The following DCUN1D4 variants were observed in gnomAD, a reference collection of about 807,000 sequenced individuals.
DCUN1D4 encodes the protein defective in cullin neddylation 1 domain containing 4.
In DCUN1D4, 22 loss-of-function variants were observed where a neutral mutation model predicts 47.9. That is an observed-to-expected ratio of 0.46 (90% CI 0.33 to 0.66). DCUN1D4 has a LOEUF of 0.66. Ranked by LOEUF, DCUN1D4 falls within the 30% of genes least tolerant of loss-of-function variation. The pLI is 0.02. For missense variants in DCUN1D4, 301 were observed against 340.8 expected, an observed-to-expected ratio of 0.88 and a Z score of 0.92; for synonymous variants, 121 against 112.2, an observed-to-expected ratio of 1.08 and a Z score of -0.50.
chr4:51,880,208 C>T (rs1019773754), intron 5 of DCUN1D4, among the ~76,000 whole-genome samples: 12 of 152,130 alleles, frequency 7.9e-5, no homozygotes, highest in South Asian at 4.1e-4. Flanking sequence ...AAAAATGAAT[C>T]GTGAGAAGAA....
chr4:51,894,038 C>A (rs1458165532), intron 7 of DCUN1D4, among the ~76,000 whole-genome samples: 1 of 152,136 alleles, frequency 6.6e-6, no homozygotes, highest in Non-Finnish European at 1.5e-5. Context: ...CCAGGGTACT[C>A]CTTCAGGCTG....
chr4:51,836,412 T>G, the DCUN1D4 span, among the ~76,000 whole-genome samples: 38 of 152,354 alleles, frequency 2.5e-4, no homozygotes, highest in Non-Finnish European at 4.4e-4. Flanking sequence ...GGTTTGCATG[T>G]GTTTGTGTGC....
At chr4:51,856,443 T>G (rs535398202) in intron 1 of DCUN1D4, among the ~76,000 whole-genome samples, 1 of 152,340 alleles carries the variant, frequency 6.6e-6, no homozygotes, top group East Asian at 1.9e-4. Context: ...TGTTTTAGAT[T>G]CAGCCAGTTT....
intron 5 of DCUN1D4, among the ~76,000 whole-genome samples, chr4:51,886,117 T>C (rs1392673259): frequency 6.6e-6 from 1 of 152,252 alleles, no homozygotes; most frequent in African/African-American, 2.4e-5. Context: ...CCTTACTGTC[T>C]TTATCAAGAA....
intron 1 of DCUN1D4, among the ~76,000 whole-genome samples, chr4:51,854,867 T>G (rs2109844054): frequency 6.6e-6 from 1 of 152,360 alleles, no homozygotes; most frequent in South Asian, 2.1e-4. Context: ...TGAAACTTTT[T>G]GAGTGCTGAC....
At chr4:51,903,719 A>G (rs780747138) in intron 8 of DCUN1D4, among the ~76,000 whole-genome samples, 17 of 151,946 alleles carry the variant, frequency 1.1e-4, no homozygotes, top group Admixed American at 9.8e-4. Context: ...AATCATTTTT[A>G]TTACTATGTC....
At chr4:51,843,730 G>A (rs1184940180) in intron 1 of DCUN1D4, 2 of 1,214,284 alleles carry the variant, frequency 1.6e-6, no homozygotes, top group Non-Finnish European at 2.0e-6. Flanking sequence ...GGGCGGCTCC[G>A]TGAGAAAGGC....
chr4:51,896,548 G>A (rs552382289), intron 7 of DCUN1D4, among the ~76,000 whole-genome samples: 20 of 151,776 alleles, frequency 1.3e-4, no homozygotes, highest in Admixed American at 2.6e-4. Flanking sequence ...CCTCCTCTTT[G>A]ACCCTCTCCG....
At chr4:51,851,061 C>G (rs891574019) in intron 1 of DCUN1D4, among the ~76,000 whole-genome samples, 1 of 152,188 alleles carries the variant, frequency 6.6e-6, no homozygotes. Context: ...TGTGTGATGA[C>G]AGTCTCCTAG....
intron 8 of DCUN1D4, 86 bp downstream of exon 8, chr4:51,899,464 C>T (rs766747630): frequency 5.4e-6 from 8 of 1,485,826 alleles, no homozygotes; most frequent in Non-Finnish European, 7.1e-6. Context: ...TTACATGCCA[C>T]AGCAAAAAAA....
At chr4:51,849,833 ATGTG>A (rs1461284065) in intron 1 of DCUN1D4, among the ~76,000 whole-genome samples, 3 of 123,418 alleles carry the variant, frequency 2.4e-5, no homozygotes, top group Admixed American at 2.2e-4. Context: ...CTACAGAAAT[ATGTG>A]TGTGTGTGCG....
chr4:51,863,161 T>TTCAC (rs1725343967), intron 1 of DCUN1D4, among the ~76,000 whole-genome samples: 1 of 152,244 alleles, frequency 6.6e-6, no homozygotes, highest in African/African-American at 2.4e-5. Context: ...TAAGTTCAAG[T>TTCAC]TCACTGCTGG....
intron 1 of DCUN1D4, among the ~76,000 whole-genome samples, chr4:51,857,035 T>C (rs1490345988): frequency 6.6e-6 from 1 of 152,186 alleles, no homozygotes; most frequent in African/African-American, 2.4e-5. Context: ...CTTTAAATAC[T>C]CGACTCATAC....
At position 51,911,177 on chromosome 4, in the gene DCUN1D4, A is replaced by G; in HGVS notation, c.720+3A>G. 1 of 1,607,824 alleles carries G rather than the reference A, an allele frequency of 6.2e-7. No individual in the cohort carries two copies. The highest frequency in any genetic ancestry group is 8.5e-7 in the Non-Finnish European group (1 of 1,177,010). ...CAGTTTTTCACCAATTCTTAGAGGT[A>G]CCAAATTGTTGTTTTATGAAATGTA... is the stretch of plus-strand genomic sequence containing the variant. On this transcript the variant is annotated splice_donor_region_variant and intron_variant, in intron 9 of 10. Coordinates refer to ENST00000334635, the MANE Select transcript of DCUN1D4 (RefSeq NM_001040402.3).
intron 6 of DCUN1D4, chr4:51,886,951 C>T (rs562572612): frequency 5.9e-5 from 25 of 425,866 alleles, no homozygotes; most frequent in South Asian, 1.2e-4. Flanking sequence ...CCACATTGTA[C>T]GCTGTGTACC....
At chr4:51,849,118 A>G (rs1455320603) in intron 1 of DCUN1D4, among the ~76,000 whole-genome samples, 1 of 152,192 alleles carries the variant, frequency 6.6e-6, no homozygotes, top group Non-Finnish European at 1.5e-5. Context: ...TGTAATGGAC[A>G]CTGTCAGTCC....
intron 6 of DCUN1D4, chr4:51,886,920 C>T: frequency 2.3e-6 from 1 of 431,642 alleles, no homozygotes; most frequent in South Asian, 2.1e-5. Context: ...CATGTGCCTA[C>T]AATGACGGAT....
the DCUN1D4 span, among the ~76,000 whole-genome samples, chr4:51,837,681 A>C: frequency 6.7e-6 from 1 of 150,364 alleles, no homozygotes; most frequent in Non-Finnish European, 1.5e-5. Context: ...AAAAAAAAAA[A>C]AAAAGAAATC....
chr4:51,859,058 A>G (rs761520832), intron 1 of DCUN1D4, among the ~76,000 whole-genome samples: 30 of 152,204 alleles, frequency 2.0e-4, no homozygotes, highest in Admixed American at 1.3e-4. Context: ...TTTAGAATCA[A>G]TCTGCCAAGC....
Sources: allele counts gnomAD v4.1 joint callset (sites outside exome capture counted in the v4.1 genomes callset), GRCh38; gene constraint gnomAD v4.1.1; transcripts MANE v1.5; gene names NCBI Gene and HGNC (gene_info 2026-07-23, HGNC 2026-07-21).